PAX7: variants seen among roughly 807,000 people sequenced by gnomAD.
PAX7 encodes paired box 7.
PAX7 carries 18 observed loss-of-function variants against 50.7 expected under a neutral mutation model. That is an observed-to-expected ratio of 0.36 (90% CI 0.25 to 0.53). PAX7 has a LOEUF of 0.53. Among genes scored for constraint, PAX7 ranks in the 20% least tolerant of loss-of-function variants. The pLI is 0.93. For missense variants in PAX7, 644 were observed against 702.9 expected (o/e 0.92, Z 0.95); for synonymous variants, 310 against 290.4 (o/e 1.07, Z -0.69).
intron 4 of PAX7, among the ~76,000 whole-genome samples, chr1:18,676,598 C>T (rs949929410): frequency 1.3e-5 from 2 of 152,134 alleles, no homozygotes; most frequent in African/African-American, 4.8e-5. Flanking sequence ...TTGGGGGATC[C>T]TGGGAGGCAG....
At chr1:18,685,412 C>T (rs185111924) in intron 4 of PAX7, among the ~76,000 whole-genome samples, 60 of 152,302 alleles carry the variant, frequency 3.9e-4, no homozygotes, top group African/African-American at 1.2e-3. Context: ...TAGTCCCTGC[C>T]GCACTCAAGG....
Position 18,700,077 on chromosome 1 carries a change from C to CGTGTGTGT in PAX7, c.787-543_787-536dup, listed in dbSNP as rs66600721. Among the ~76,000 whole-genome samples, 115 of 145,770 alleles carry CGTGTGTGT rather than the reference C, an allele frequency of 7.9e-4. No homozygotes were observed. Among genetic ancestry groups the CGTGTGTGT allele is most frequent in the South Asian group, 1.4e-3 (6 of 4,352 alleles). ...TTATCCCACTAATGTTTGATAAATC[C>CGTGTGTGT]GTGTGTGTGTGTGTGTGTGTGTGTG... is the stretch of plus-strand genomic sequence containing the variant. On this transcript the variant is annotated intron_variant, in intron 5 of 8. Coordinates refer to ENST00000420770, the MANE Select transcript of PAX7 (RefSeq NM_001135254.2). The surrounding 1 kb of genome is among the most constrained non-coding windows in gnomAD (Gnocchi z 4.8).
intron 7 of PAX7, among the ~76,000 whole-genome samples, chr1:18,734,809 C>G (rs938583104): frequency 4.6e-5 from 7 of 152,160 alleles, no homozygotes; most frequent in African/African-American, 1.7e-4. Context: ...GCCTTCAGCT[C>G]TCAGCCTGGG....
At position 18,745,678 on chromosome 1, in the gene PAX7, G is replaced by C. The variant is rs1393672975; in HGVS notation, c.*749G>C. The stretch of plus-strand genomic sequence containing the variant: ...GCTTGTCAGCCGTGGGCCCGCCCAG[G>C]ATACAAGGACCCAACTCAGGCTTCT... On this transcript the variant is annotated 3_prime_UTR_variant, in exon 9 of 9. Coordinates refer to ENST00000420770, the MANE Select transcript of PAX7 (RefSeq NM_001135254.2). The C allele has an allele frequency of 4.3e-6, 1 of 231,302 alleles. No individual in the cohort carries two copies. Among genetic ancestry groups the C allele is most frequent in the Non-Finnish European group, 8.6e-6 (1 of 116,926 alleles). The allele number at this position is 231,302 out of a possible 1,614,324, so 14.3% of individuals were successfully genotyped here. A position where few individuals can be genotyped will look rare whatever the true frequency, so the allele number is the denominator to read the frequency against.
At chr1:18,732,314 T>G (rs150998214) in intron 7 of PAX7, among the ~76,000 whole-genome samples, 1 of 152,364 alleles carries the variant, frequency 6.6e-6, no homozygotes, top group Admixed American at 6.5e-5. Context: ...CCTGGCTTAG[T>G]GTCTGGCATA....
chr1:18,660,077 G>A (rs115401755), intron 4 of PAX7, among the ~76,000 whole-genome samples: 183 of 152,296 alleles, frequency 1.2e-3, no homozygotes, highest in African/African-American at 4.2e-3. Context: ...GAGCCCAGTG[G>A]CTGGAGCCTG....
chr1:18,731,924 C>G (rs2089651964), intron 7 of PAX7, among the ~76,000 whole-genome samples: 1 of 152,206 alleles, frequency 6.6e-6, no homozygotes, highest in African/African-American at 2.4e-5. Flanking sequence ...TGAGAAAGGA[C>G]TGCACAAGCC....
chr1:18,693,733 G>A (rs12723507), intron 5 of PAX7, among the ~76,000 whole-genome samples: 8,664 of 152,118 alleles, frequency 0.057, 431 homozygotes, highest in East Asian at 0.26. Flanking sequence ...CCTCCCTCCC[G>A]CTCTGATCCT....
At chr1:18,664,462 G>A (rs753389077) in intron 4 of PAX7, among the ~76,000 whole-genome samples, 1 of 152,180 alleles carries the variant, frequency 6.6e-6, no homozygotes, top group African/African-American at 2.4e-5. Flanking sequence ...AGGGGAGGGA[G>A]GAGGGCGAGG....
chr1:18,645,691 A>T (rs1253303126), intron 4 of PAX7, among the ~76,000 whole-genome samples: 7 of 152,200 alleles, frequency 4.6e-5, no homozygotes, highest in Non-Finnish European at 1.0e-4. Context: ...ACACTTTTGC[A>T]GGGAGATTGT....
At position 18,735,687 on chromosome 1, in the gene PAX7, TCTC is replaced by T. The variant is rs746596256; in HGVS notation, c.1213_1215del (p.Ser405del). The stretch of plus-strand genomic sequence containing the variant: ...GTGCCCCCGCAGCCACAGGCTGACT[TCTC>T]CATCTCCCCGCTGCATGGCGGCCTG... On this transcript the variant is annotated inframe_deletion, in exon 8 of 9. Coordinates refer to ENST00000420770, the MANE Select transcript of PAX7 (RefSeq NM_001135254.2). The surrounding 1 kb of genome is among the most constrained non-coding windows in gnomAD (Gnocchi z 4.0). The T allele has an allele frequency of 6.2e-7, 1 of 1,614,064 alleles. No individual in the cohort carries two copies. Among genetic ancestry groups the T allele is most frequent in the South Asian group, 1.1e-5 (1 of 91,062 alleles).
Position 18,634,363 on chromosome 1 carries a change from G to A in PAX7, c.146G>A (p.Arg49Gln), listed in dbSNP as rs141114867. 15 of 1,613,876 alleles carry A rather than the reference G, an allele frequency of 9.3e-6. No individual in the cohort carries two copies. Among genetic ancestry groups the A allele is most frequent in the East Asian group, 2.2e-5 (1 of 44,888 alleles). ...CTGGGAGGGGTCTTCATCAATGGGC[G>A]ACCCCTGCCTAACCACATCCGCCAC... is the stretch of plus-strand genomic sequence containing the variant. Reference protein sequence around the residue: ...NQLGGVFINGRPLPNHIRHKI... With the variant: ...NQLGGVFINGQPLPNHIRHKI... Residue 49 changes from arginine to glutamine, a missense_variant, in exon 2 of 9, where the codon CGA becomes CAA. Transcript: ENST00000420770. This position sits in a 1 kb window ranked among gnomAD's most constrained non-coding sequence, Gnocchi z 4.0.
Position 18,631,419 on chromosome 1 carries a change from C to T in PAX7, c.-185C>T. The T allele has an allele frequency of 1.7e-6, 1 of 600,064 alleles. No individual in the cohort carries two copies. Among genetic ancestry groups the T allele is most frequent in the Non-Finnish European group, 3.0e-6 (1 of 333,600 alleles). 37.2% of individuals were successfully genotyped at this position (600,064 alleles called of 1,614,324 possible). On this transcript the variant is annotated 5_prime_UTR_variant, in exon 1 of 9. Transcript: ENST00000420770. ...CCCACCTCACCCCCCTCCCCAGCTTCTGGACGCGTTTGACTGCAGCCAGGG... is the reference window on the plus strand; with the variant it reads ...CCCACCTCACCCCCCTCCCCAGCTTTTGGACGCGTTTGACTGCAGCCAGGG...
chr1:18,653,919 C>A (rs2088473317), intron 4 of PAX7, among the ~76,000 whole-genome samples: 1 of 152,106 alleles, frequency 6.6e-6, no homozygotes, highest in Non-Finnish European at 1.5e-5. Flanking sequence ...GCCTGGCAGA[C>A]GTGTGTGCGG....
At chr1:18,650,077 G>A (rs2100454768) in intron 4 of PAX7, among the ~76,000 whole-genome samples, 1 of 152,322 alleles carries the variant, frequency 6.6e-6, no homozygotes, top group East Asian at 1.9e-4. Context: ...ACTCCGGGGA[G>A]GCAGGGCTTT....
intron 4 of PAX7, among the ~76,000 whole-genome samples, chr1:18,661,617 C>A (rs569888833): frequency 6.6e-6 from 1 of 152,238 alleles, no homozygotes; most frequent in African/African-American, 2.4e-5. Flanking sequence ...CTAACAACAC[C>A]CACCTCACAG....
intron 3 of PAX7, among the ~76,000 whole-genome samples, chr1:18,635,814 G>C (rs2088145652): frequency 6.6e-6 from 1 of 150,820 alleles, no homozygotes; most frequent in African/African-American, 2.4e-5. Flanking sequence ...TTGTGTGTGT[G>C]TGTGTATGTG....
intron 7 of PAX7, among the ~76,000 whole-genome samples, chr1:18,725,928 G>A (rs1297063979): frequency 6.6e-6 from 1 of 152,210 alleles, no homozygotes; most frequent in Non-Finnish European, 1.5e-5. Flanking sequence ...GATATTTCTA[G>A]ATGTTTCCAG....
chr1:18,674,569 C>CA (rs1309032956), intron 4 of PAX7, among the ~76,000 whole-genome samples: 2 of 152,218 alleles, frequency 1.3e-5, no homozygotes, highest in African/African-American at 4.8e-5. Context: ...GTTGCAGGAG[C>CA]AGGCACAGAG....
Sources: allele counts gnomAD v4.1 joint callset (sites outside exome capture counted in the v4.1 genomes callset), GRCh38; gene constraint gnomAD v4.1.1; non-coding constraint Gnocchi (gnomAD v3.1); transcripts MANE v1.5; gene names NCBI Gene and HGNC (gene_info 2026-07-23, HGNC 2026-07-21).